Variants in CENPN observed in about 807,000 individuals in gnomAD.
The protein encoded by CENPN is interphase centromere complex protein 32.
CENPN carries 36 observed loss-of-function variants against 48.6 expected under a neutral mutation model. The ratio of observed to expected loss-of-function variants is 0.74; its 90% confidence interval spans 0.57 to 0.98. The LOEUF (loss-of-function observed/expected upper bound fraction) is 0.98. Among genes scored for constraint, CENPN ranks in the 50% least tolerant of loss-of-function variants. CENPN has a pLI of 0.00. For synonymous variants in CENPN, 166 were observed against 135.2 expected (o/e 1.23, Z -1.58); for missense variants, 439 against 399.2 (o/e 1.10, Z -0.85).
chr16:81,027,739 C>T (rs374602124), intron 9 of CENPN, among the ~76,000 whole-genome samples: 1 of 152,274 alleles, frequency 6.6e-6, no homozygotes, highest in East Asian at 1.9e-4. Context: ...CAGTTTCACT[C>T]TGTTGCCCAG....
At chr16:81,022,827 G>A (rs749364674) in intron 7 of CENPN, 129 bp downstream of exon 7, 23 of 1,613,516 alleles carry the variant, frequency 1.4e-5, no homozygotes, top group Middle Eastern at 1.7e-4. Flanking sequence ...AATGAAGAAA[G>A]CTTGCAATTA....
At chr16:81,020,328 G>T in intron 6 of CENPN, 52 bp downstream of exon 6, 3 of 1,527,802 alleles carry the variant, frequency 2.0e-6, no homozygotes, top group South Asian at 2.5e-5. Flanking sequence ...TATCTCAAAG[G>T]TCTATATAGA....
intron 3 of CENPN, among the ~76,000 whole-genome samples, chr16:81,016,537 G>A (rs901887684): frequency 6.6e-6 from 1 of 152,180 alleles, no homozygotes; most frequent in African/African-American, 2.4e-5. Flanking sequence ...CAAGGTAGGT[G>A]GATCACCCGA....
chr16:81,017,840 AATAAAATTCATCTTTTAC>A lies in CENPN; in HGVS notation c.354+17_354+34del. ...TTCAGAGAGCATTAAAAAATGTAAG[AATAAAATTCATCTTTTAC>A]ATAAAATTCAATGTCATGACGTCTG... On this transcript the variant is annotated splice_region_variant and intron_variant, in intron 5 of 10. Coordinates refer to ENST00000305850, the MANE Select transcript of CENPN (RefSeq NM_001100624.3). The A allele has an allele frequency of 1.4e-6, 2 of 1,454,074 alleles. No homozygotes were observed. The highest frequency in any genetic ancestry group is 1.9e-6 in the Non-Finnish European group (2 of 1,052,012). 90.1% of individuals were successfully genotyped at this position (1,454,074 alleles called of 1,614,324 possible). A position where few individuals can be genotyped will look rare whatever the true frequency, so the allele number is the denominator to read the frequency against.
At chr16:81,017,475 A>C in intron 4 of CENPN, 90 bp downstream of exon 4, 1 of 863,878 alleles carries the variant, frequency 1.2e-6, no homozygotes, top group South Asian at 1.5e-5. Context: ...GCACCACTGC[A>C]CTCCAGCCTG....
At chr16:81,011,751 C>G (rs1242541374) in intron 1 of CENPN, among the ~76,000 whole-genome samples, 179 bp from the exon 2 acceptor site, 3 of 152,174 alleles carry the variant, frequency 2.0e-5, no homozygotes, top group Non-Finnish European at 2.9e-5. Context: ...GCCTGTAATC[C>G]CAGCACTTTG....
intron 3 of CENPN, among the ~76,000 whole-genome samples, chr16:81,015,172 A>C (rs1046635592): frequency 3.3e-5 from 5 of 152,138 alleles, no homozygotes; most frequent in Admixed American, 1.3e-4. Context: ...GTAGCTTCTC[A>C]CCTCTCCTCC....
chr16:81,026,526 TG>T lies in CENPN; in HGVS notation c.700del (p.Asp234IlefsTer9). 1 of 1,514,862 alleles carries T rather than the reference TG, an allele frequency of 6.6e-7. No homozygotes were observed. Among genetic ancestry groups the T allele is most frequent in the Non-Finnish European group, 9.1e-7 (1 of 1,096,364 alleles). 93.8% of individuals were successfully genotyped at this position (1,514,862 alleles called of 1,614,324 possible). On this transcript the variant is annotated frameshift_variant and splice_region_variant, in exon 9 of 11. Coordinates refer to ENST00000305850, the MANE Select transcript of CENPN (RefSeq NM_001100624.3). LOFTEE classifies it high-confidence loss of function. ...TTTATTTGAAATCTTCCACCCATAG[TG>T]GATTCAAGGATCATTCATGAAAACA... ...QERSLGLDIN[M>X]DSRIIHENIV...
At chr16:81,022,875 T>C (rs1214226932) in intron 7 of CENPN, 177 bp downstream of exon 7, 2 of 1,609,818 alleles carry the variant, frequency 1.2e-6, no homozygotes, top group African/African-American at 2.7e-5. Flanking sequence ...CTCACAGTCA[T>C]CTTTTTATAA....
intron 3 of CENPN, 176 bp from the exon 4 acceptor site, chr16:81,017,150 T>A: frequency 2.4e-6 from 1 of 417,782 alleles, no homozygotes; most frequent in Non-Finnish European, 3.9e-6. Context: ...ATGATTTGCT[T>A]TATTTATATG....
intron 5 of CENPN, among the ~76,000 whole-genome samples, chr16:81,019,208 TTTTTG>T (rs1567550475): frequency 6.6e-6 from 1 of 152,102 alleles, no homozygotes; most frequent in African/African-American, 2.4e-5. Flanking sequence ...TTTCTTCTTC[TTTTTG>T]TTTTGTTTTT....
chr16:81,015,928 C>T (rs1262369282), intron 3 of CENPN, among the ~76,000 whole-genome samples: 1 of 151,766 alleles, frequency 6.6e-6, no homozygotes, highest in African/African-American at 2.4e-5. Flanking sequence ...TCATTTGAAC[C>T]CAGGAGACAG....
At chr16:81,017,947 G>T (rs1597312923) in intron 5 of CENPN, 113 bp downstream of exon 5, 2 of 619,756 alleles carry the variant, frequency 3.2e-6, no homozygotes, top group African/African-American at 1.9e-5. Context: ...GTTAGTAATA[G>T]TTCATACGGT....
chr16:81,025,608 G>A (rs764178136), intron 8 of CENPN, among the ~76,000 whole-genome samples: 37 of 151,494 alleles, frequency 2.4e-4, no homozygotes, highest in African/African-American at 7.1e-4. Flanking sequence ...CTGTGGTCCC[G>A]GCTACTTGGG....
chr16:81,008,777 T>C (rs1051377659), intron 1 of CENPN, among the ~76,000 whole-genome samples: 2 of 152,254 alleles, frequency 1.3e-5, no homozygotes, highest in African/African-American at 4.8e-5. Flanking sequence ...CTTGGCCTGA[T>C]TAGACTTACT....
chr16:81,012,026 T>A lies in CENPN; in HGVS notation c.87T>A (p.Asp29Glu), dbSNP rs753916505. ...TGACAACAATCCTGAAGGCCTGGGATTTTTTGTCTGAAAATCAACTGCAGA... is the reference window on the plus strand; with the variant it reads ...TGACAACAATCCTGAAGGCCTGGGAATTTTTGTCTGAAAATCAACTGCAGA... ...NELTTILKAW[D>E]FLSENQLQTV... is the part of the protein sequence containing the mutation. The change falls in exon 2 of 11, where the codon GAT (aspartate) becomes GAA (glutamate). Residue 29 changes from aspartate (D) to glutamate (E), a missense_variant. Coordinates refer to ENST00000305850, the MANE Select transcript of CENPN (RefSeq NM_001100624.3). 2 of 1,614,110 alleles carry A rather than the reference T, an allele frequency of 1.2e-6. No homozygotes were observed. The highest frequency in any genetic ancestry group is 2.2e-5 in the South Asian group (2 of 91,082).
rs375678072 is a variant in CENPN, at chr16:81,017,898, GCTA to G, written c.354+68_354+70del. 8.1e-4 allele frequency: 762 copies of G among 942,828 alleles called. 5 individuals are homozygous for G. In the East Asian group the frequency reaches 0.015, roughly 19 times the overall value. 58.4% of individuals were successfully genotyped at this position (942,828 alleles called of 1,614,324 possible). A position where few individuals can be genotyped will look rare whatever the true frequency, so the allele number is the denominator to read the frequency against. On this transcript the variant is annotated intron_variant, in intron 5 of 10. Transcript: ENST00000305850. ...CATGACGTCTGTGCACTTAAAATTT[GCTA>G]CTATCATAGTTTTTTTTTAATTTGT...
intron 10 of CENPN, 134 bp from the exon 11 acceptor site, chr16:81,028,435 C>A: frequency 6.8e-7 from 1 of 1,473,408 alleles, no homozygotes. Context: ...GCATCTTCTG[C>A]TTCTGTACTT....
chr16:81,032,022 T>C (rs1597117251), downstream of CENPN, among the ~76,000 whole-genome samples: 1 of 152,324 alleles, frequency 6.6e-6, no homozygotes, highest in East Asian at 1.9e-4. Flanking sequence ...TACTTTGGCA[T>C]GCTGGATGCT....
Sources: gnomAD v4.1 joint callset for allele counts (sites outside exome capture counted in the v4.1 genomes callset) on GRCh38, gnomAD v4.1.1 for gene constraint, MANE v1.5 for transcripts, NCBI Gene and HGNC (gene_info 2026-07-23, HGNC 2026-07-21) for gene names.